Variants in CNTNAP5 observed in about 807,000 individuals in gnomAD.
CNTNAP5 encodes contactin-associated protein-like 5.
CNTNAP5 carries 72 observed loss-of-function variants against 150.2 expected under a neutral mutation model. That is an observed-to-expected ratio of 0.48 (90% CI 0.40 to 0.58). The LOEUF is 0.58. CNTNAP5 is among the 20% of genes least tolerant of loss of function. The pLI, the probability that CNTNAP5 is intolerant of heterozygous loss-of-function variation, is 0.00. For missense variants in CNTNAP5, 1,636 were observed against 1,626.2 expected (o/e 1.01, Z -0.10); for synonymous variants, 672 against 619.8 (o/e 1.08, Z -1.25).
intron 3 of CNTNAP5, among the ~76,000 whole-genome samples, chr2:124,367,117 A>T (rs934590959): frequency 1.3e-5 from 2 of 152,212 alleles, no homozygotes; most frequent in Non-Finnish European, 2.9e-5. Flanking sequence ...TCTGCAGTTA[A>T]TGCTGAAGGA....
intron 1 of CNTNAP5, among the ~76,000 whole-genome samples, chr2:124,218,648 A>G (rs1686224228): frequency 6.6e-6 from 1 of 152,174 alleles, no homozygotes; most frequent in Admixed American, 6.6e-5. Context: ...CAAGGCAGAC[A>G]TCTTTCAGAG....
intron 12 of CNTNAP5, among the ~76,000 whole-genome samples, chr2:124,645,745 T>C (rs1678189595): frequency 6.6e-6 from 1 of 152,170 alleles, no homozygotes; most frequent in Non-Finnish European, 1.5e-5. Flanking sequence ...CTGGGTAATT[T>C]AGAAAGAAAA....
At chr2:124,515,096 G>T (rs1365060925) in intron 8 of CNTNAP5, among the ~76,000 whole-genome samples, 2 of 152,204 alleles carry the variant, frequency 1.3e-5, no homozygotes, top group Admixed American at 6.5e-5. Flanking sequence ...GGCTTTTCAG[G>T]ATCCAGGTTA....
chr2:124,776,284 A>ATT (rs111559399), intron 17 of CNTNAP5, among the ~76,000 whole-genome samples: 4 of 149,050 alleles, frequency 2.7e-5, no homozygotes, highest in African/African-American at 7.4e-5. Context: ...CCATGGGCCT[A>ATT]TTTTTTTTTT....
intron 1 of CNTNAP5, among the ~76,000 whole-genome samples, chr2:124,152,085 A>G (rs975479596): frequency 1.3e-4 from 20 of 152,142 alleles, no homozygotes; most frequent in African/African-American, 4.8e-4. Context: ...TGGCAAATGC[A>G]TTTTTTTAGA....
intron 3 of CNTNAP5, among the ~76,000 whole-genome samples, chr2:124,376,886 GA>G (rs1468601334): frequency 1.3e-5 from 2 of 152,012 alleles, no homozygotes; most frequent in African/African-American, 4.8e-5. Context: ...AAGTACTGGG[GA>G]ATGCACTATT....
At chr2:124,452,586 A>C (rs1693012950) in intron 6 of CNTNAP5, among the ~76,000 whole-genome samples, 1 of 152,176 alleles carries the variant, frequency 6.6e-6, no homozygotes, top group Non-Finnish European at 1.5e-5. Flanking sequence ...AAGGCCAACC[A>C]GAACAAAAGT....
intron 13 of CNTNAP5, among the ~76,000 whole-genome samples, chr2:124,683,303 G>A (rs1679112304): frequency 6.6e-6 from 1 of 152,192 alleles, no homozygotes; most frequent in South Asian, 2.1e-4. Context: ...GACTTATTTG[G>A]CATTACAGGA....
At chr2:124,912,646 G>T (rs1678679707) in intron 23 of CNTNAP5, among the ~76,000 whole-genome samples, 1 of 152,104 alleles carries the variant, frequency 6.6e-6, no homozygotes, top group Non-Finnish European at 1.5e-5. Context: ...ATGTGGGAAA[G>T]AATTTTGTGC....
intron 3 of CNTNAP5, among the ~76,000 whole-genome samples, chr2:124,297,985 C>T (rs1688483961): frequency 2.0e-5 from 3 of 151,970 alleles, no homozygotes; most frequent in Admixed American, 1.3e-4. Context: ...GCTGAGATTA[C>T]AGGTGCTCAC....
rs149217568 is a variant in CNTNAP5, at chr2:124,632,928, A to T, written c.1877-14830A>T. 1.6e-3 allele frequency among the ~76,000 whole-genome samples: 242 copies of T among 152,158 alleles called. 1 individual carries two copies. The highest frequency in any genetic ancestry group is 5.7e-3 in the African/African-American group (237 of 41,522). ...GAAGAGAGGCAGGCAGGGAAGTGCT[A>T]TACACTTTTAAACAATGAGATCTCA... On this transcript the variant is annotated intron_variant, in intron 12 of 23. Transcript: ENST00000682447.
chr2:124,056,207 T>G (rs1681841934), intron 1 of CNTNAP5, among the ~76,000 whole-genome samples: 1 of 152,198 alleles, frequency 6.6e-6, no homozygotes, highest in South Asian at 2.1e-4. Context: ...TTTCATCCAC[T>G]CAAGTTTCTA....
chr2:124,454,327 A>C (rs1188607634), intron 6 of CNTNAP5, among the ~76,000 whole-genome samples: 3 of 152,214 alleles, frequency 2.0e-5, no homozygotes, highest in Non-Finnish European at 4.4e-5. Flanking sequence ...CAATGATAAA[A>C]GGCCTTGTCC....
In CNTNAP5 at chr2:124,310,255, C is replaced by G. The variant is rs188962898; in HGVS notation, c.381+67862C>G. ...GCTGGCATATTGGGGCAATGCATTG[C>G]GGTCCCTGATGTAGATTGTAGGTGG... On this transcript the variant is annotated intron_variant, in intron 3 of 23. Coordinates refer to ENST00000682447, the MANE Select transcript of CNTNAP5 (RefSeq NM_001367498.1). 4.6e-5 allele frequency among the ~76,000 whole-genome samples: 7 copies of G among 152,038 alleles called. No homozygotes were observed. The South Asian group carries it at 1.5e-3, about 32-fold the overall frequency.
chr2:124,357,157 G>A (rs1199042417), intron 3 of CNTNAP5, among the ~76,000 whole-genome samples: 2 of 151,918 alleles, frequency 1.3e-5, no homozygotes, highest in African/African-American at 2.4e-5. Flanking sequence ...GGGGTTGTTT[G>A]TTTTTTTCTT....
chr2:124,793,552 T>C (rs2104636604), intron 18 of CNTNAP5, among the ~76,000 whole-genome samples: 1 of 152,290 alleles, frequency 6.6e-6, no homozygotes, highest in East Asian at 1.9e-4. Context: ...TTTTCTCTAG[T>C]CTCCTATCTT....
chr2:124,182,417 G>A (rs1403372939), intron 1 of CNTNAP5, among the ~76,000 whole-genome samples: 4 of 150,762 alleles, frequency 2.7e-5, no homozygotes, highest in East Asian at 1.9e-4. Flanking sequence ...CCAATTTTAC[G>A]GATGACAAAA....
At chr2:124,826,085 C>A (rs1047822516) in intron 19 of CNTNAP5, among the ~76,000 whole-genome samples, 4 of 151,788 alleles carry the variant, frequency 2.6e-5, no homozygotes, top group Non-Finnish European at 5.9e-5. Flanking sequence ...AATATATTAG[C>A]CTCAAGTAGT....
intron 3 of CNTNAP5, among the ~76,000 whole-genome samples, chr2:124,348,667 A>C (rs2104699800): frequency 6.6e-6 from 1 of 152,306 alleles, no homozygotes; most frequent in South Asian, 2.1e-4. Context: ...TTGGCACATA[A>C]CCGAAGGAAG....
Sources: gnomAD v4.1 joint callset for allele counts (sites outside exome capture counted in the v4.1 genomes callset) on GRCh38, gnomAD v4.1.1 for gene constraint, MANE v1.5 for transcripts, NCBI Gene and HGNC (gene_info 2026-07-23, HGNC 2026-07-21) for gene names.